PTRH1: variants seen among roughly 807,000 people sequenced by gnomAD.
The protein encoded by PTRH1 is peptidyl-tRNA hydrolase.
Under a neutral mutation model 15.7 loss-of-function variants are expected in PTRH1, and 13 were observed. The ratio of observed to expected loss-of-function variants is 0.83; its 90% CI spans 0.54 to 1.31. The LOEUF (loss-of-function observed/expected upper bound fraction) is 1.31, where lower values mean the gene tolerates loss of function less well. Among genes scored for constraint, PTRH1 ranks in the 40% most tolerant of loss-of-function variants. PTRH1 has a pLI of 0.00. For synonymous variants in PTRH1, 139 were observed against 136.7 expected (o/e 1.02, Z -0.12); for missense variants, 319 against 296.2 (o/e 1.08, Z -0.56).
intron 1 of PTRH1, among the ~76,000 whole-genome samples, chr9:127,699,065 A>T (rs1315249009): frequency 6.6e-6 from 1 of 152,042 alleles, no homozygotes; most frequent in Non-Finnish European, 1.5e-5. Context: ...TATTTTTAGT[A>T]GAGATAGGGT....
At chr9:127,712,994 T>G, downstream of PTRH1, 1 of 1,608,830 alleles carries the variant, frequency 6.2e-7, no homozygotes, top group Non-Finnish European at 8.5e-7. Flanking sequence ...CCGAAGGCTC[T>G]GTGACCCTCG....
In PTRH1 at chr9:127,700,632, G is replaced by A. The variant is rs530794374; in HGVS notation, c.206-5491C>T. 2.6e-5 allele frequency among the ~76,000 whole-genome samples: 4 copies of A among 152,284 alleles called. No homozygotes were observed. The East Asian group carries it at 7.7e-4, about 29-fold the overall frequency. ...GACTGGCAGAGCAGACTCTTCTATGGCAATACAGTATCAAATTATAAACAG... is the reference window on the plus strand; with the variant it reads ...GACTGGCAGAGCAGACTCTTCTATGACAATACAGTATCAAATTATAAACAG... On this transcript the variant is annotated intron_variant, in intron 1 of 2. Coordinates refer to the PTRH1 transcript ENST00000335223.
At position 127,714,580 on chromosome 9, in the gene PTRH1, C is replaced by A. The variant is rs528184797; in HGVS notation, c.416+23G>T. ...TGGGAGGCCTGAAGCCCTATCCCAA[C>A]CCTGACCATCTCAGGACCTCACCTG... On this transcript the variant is annotated intron_variant, in intron 3 of 4. Coordinates refer to ENST00000543175, the MANE Select transcript of PTRH1 (RefSeq NM_001002913.3). 1.2e-5 allele frequency: 19 copies of A among 1,609,930 alleles called. No individual in the cohort carries two copies. In the South Asian group the frequency reaches 1.8e-4, roughly 15 times the overall value.
chr9:127,715,408 T>A lies in PTRH1; in HGVS notation c.96+136A>T, dbSNP rs764607173. ...GTGCAGGAACGGAGCTTCAAGAAGT[T>A]TGGAGCCCGTCGAGCACTGAACTCA... On this transcript the variant is annotated intron_variant, in intron 1 of 4. Transcript: ENST00000543175. The surrounding 1 kb of genome is among the most constrained non-coding windows in gnomAD (Gnocchi z 5.8). The A allele has an allele frequency of 7.3e-7, 1 of 1,369,312 alleles. No homozygotes were observed. Among genetic ancestry groups the A allele is most frequent in the African/African-American group, 1.4e-5 (1 of 69,518 alleles). 84.8% of individuals were successfully genotyped at this position (1,369,312 alleles called of 1,614,324 possible).
chr9:127,715,644 C>A lies in PTRH1; in HGVS notation c.-5G>T. ...CAAAAAGCCGCCCGGCCTCATGCTGCCCCCATTCACTCCGACACCGCCCCC... is the reference window on the plus strand; with the variant it reads ...CAAAAAGCCGCCCGGCCTCATGCTGACCCCATTCACTCCGACACCGCCCCC... On this transcript the variant is annotated 5_prime_UTR_variant, in exon 1 of 5. Coordinates refer to ENST00000543175, the MANE Select transcript of PTRH1 (RefSeq NM_001002913.3). The surrounding 1 kb of genome is among the most constrained non-coding windows in gnomAD (Gnocchi z 5.8). The A allele has an allele frequency of 6.2e-7, 1 of 1,610,794 alleles. No individual in the cohort carries two copies. Among genetic ancestry groups the A allele is most frequent in the South Asian group, 1.1e-5 (1 of 90,964 alleles).
At chr9:127,703,693 AC>A (rs139316516) in intron 1 of PTRH1, among the ~76,000 whole-genome samples, 1 of 152,270 alleles carries the variant, frequency 6.6e-6, no homozygotes, top group African/African-American at 2.4e-5. Context: ...GGAGGGACCT[AC>A]TTTTCCTAAG....
At chr9:127,709,341 T>C, downstream of PTRH1, 16 of 1,448,148 alleles carry the variant, frequency 1.1e-5, no homozygotes, top group Non-Finnish European at 1.5e-5. This position sits in a 1 kb window ranked among gnomAD's most constrained non-coding sequence, Gnocchi z 4.7. Context: ...GGACAGGGAG[T>C]CCAGGAGAGT....
At chr9:127,704,492 C>T (rs1227815243) in intron 1 of PTRH1, among the ~76,000 whole-genome samples, 4 of 130,426 alleles carry the variant, frequency 3.1e-5, no homozygotes, top group South Asian at 2.3e-4. Flanking sequence ...TGTGACAGAA[C>T]GAGACACTGT....
downstream of PTRH1, chr9:127,712,720 TG>T (rs1453438744): frequency 3.7e-6 from 6 of 1,614,004 alleles, no homozygotes; most frequent in Non-Finnish European, 5.1e-6. Context: ...TGCACCGCGA[TG>T]AAGAGGACAG....
chr9:127,697,421 A>G (rs1038456738), intron 1 of PTRH1, among the ~76,000 whole-genome samples: 3 of 152,178 alleles, frequency 2.0e-5, no homozygotes, highest in Non-Finnish European at 4.4e-5. Context: ...GCACTTTGGG[A>G]GGCCGAGGTG....
At position 127,714,731 on chromosome 9, in the gene PTRH1, T is replaced by C. The variant is rs571025654; in HGVS notation, c.317-29A>G. The C allele has an allele frequency of 8.9e-6, 14 of 1,567,636 alleles. 1 individual carries two copies. In the South Asian group the frequency reaches 1.3e-4, roughly 14 times the overall value. On this transcript the variant is annotated intron_variant, in intron 2 of 4. Transcript: ENST00000543175. ...AGCACAGGGAAACGGCAGCCCTGGT[T>C]ACTGCCCATCTGCCCAGAGAGGCAC...
At chr9:127,712,836 C>T, downstream of PTRH1, 1 of 1,613,596 alleles carries the variant, frequency 6.2e-7, no homozygotes. Flanking sequence ...GCTGCGTGTC[C>T]CCACCAGGAG....
chr9:127,712,718 G>A (rs61738788), downstream of PTRH1: 630 of 1,614,164 alleles, frequency 3.9e-4, 7 homozygotes, highest in East Asian at 1.1e-4. Flanking sequence ...GATGCACCGC[G>A]ATGAAGAGGA....
intron 1 of PTRH1, chr9:127,707,291 T>A (rs1236064843): frequency 6.8e-6 from 9 of 1,328,316 alleles, no homozygotes; most frequent in Non-Finnish European, 9.3e-6. Flanking sequence ...AGGCCTGTGT[T>A]CTGACCTCCC....
rs1051765950 is a variant in PTRH1 at position 127,714,509 on chromosome 9, C to A, written c.417-85G>T. 4 of 1,598,892 alleles carry A rather than the reference C, an allele frequency of 2.5e-6. No homozygotes were observed. The African/African-American group carries it at 5.4e-5, about 21-fold the overall frequency. ...CCCTGCCCCGGCTGGGTCAGAGCAG[C>A]CCATTTCCTGTGGAGACTGGGTCAG... On this transcript the variant is annotated intron_variant, in intron 3 of 4. Coordinates refer to ENST00000543175, the MANE Select transcript of PTRH1 (RefSeq NM_001002913.3).
downstream of PTRH1, chr9:127,713,800 C>T (rs1479480507): frequency 1.3e-6 from 2 of 1,598,066 alleles, no homozygotes; most frequent in Middle Eastern, 1.7e-4. Context: ...AGCCACTGCA[C>T]CCGGCCTCCA....
At chr9:127,707,575 C>T (rs1842675422) in intron 1 of PTRH1, among the ~76,000 whole-genome samples, 1 of 152,168 alleles carries the variant, frequency 6.6e-6, no homozygotes, top group East Asian at 1.9e-4. Flanking sequence ...CTGGCAGTGG[C>T]ACCTGTGCCC....
rs2131602627 is a variant in PTRH1, at chr9:127,715,367, C to T, written c.97-173G>A. The T allele has an allele frequency of 2.4e-6, 3 of 1,237,094 alleles. No homozygotes were observed. Among genetic ancestry groups the T allele is most frequent in the Non-Finnish European group, 3.4e-6 (3 of 872,278 alleles). The allele number at this position is 1,237,094 out of a possible 1,614,324, so 76.6% of individuals were successfully genotyped here. On this transcript the variant is annotated intron_variant, in intron 1 of 4. Coordinates refer to ENST00000543175, the MANE Select transcript of PTRH1 (RefSeq NM_001002913.3). The surrounding 1 kb of genome is among the most constrained non-coding windows in gnomAD (Gnocchi z 5.8). ...CCCCTGAGAACTCCAGAAGGCTGGG[C>T]AGGCAGGGCGCCCTAGTGCAGGAAC...
rs1371401176 is a variant in PTRH1 at position 127,715,566 on chromosome 9, C to G, written c.74G>C (p.Arg25Pro). The stretch of plus-strand genomic sequence containing the variant: ...CACCATCCACCGCTTCCCCGGGGGG[C>G]GAGGCTCCAAAACACATCGGCTCAT... Reference protein sequence around the residue: ...RAMSRCVLEPRPPGKRWMVAG... With the variant: ...RAMSRCVLEPPPPGKRWMVAG... Residue 25 changes from arginine (R) to proline (P), a missense_variant, in exon 1 of 5, where the codon CGC (arginine) becomes CCC (proline). Coordinates refer to ENST00000543175, the MANE Select transcript of PTRH1 (RefSeq NM_001002913.3). The surrounding 1 kb of genome is among the most constrained non-coding windows in gnomAD (Gnocchi z 5.8). 6.2e-7 allele frequency: 1 copy of G among 1,613,536 alleles called. No individual in the cohort carries two copies. The highest frequency in any genetic ancestry group is 1.7e-5 in the Admixed American group (1 of 60,030).
Sources: allele counts gnomAD v4.1 joint callset (sites outside exome capture counted in the v4.1 genomes callset), GRCh38; gene constraint gnomAD v4.1.1; non-coding constraint Gnocchi (gnomAD v3.1); transcripts MANE v1.5; gene names NCBI Gene and HGNC (gene_info 2026-07-23, HGNC 2026-07-21).